Variants in SPOCK3 observed in about 807,000 individuals in gnomAD.
The protein encoded by SPOCK3 is testican-3.
Under a neutral mutation model 56.6 loss-of-function variants are expected in SPOCK3, and 30 were observed. The observed-to-expected ratio is 0.53, with a 90% CI of 0.40 to 0.72. The LOEUF (loss-of-function observed/expected upper bound fraction) is 0.72, where lower values mean the gene tolerates loss of function less well. Ranked by LOEUF, SPOCK3 falls within the 30% of genes least tolerant of loss-of-function variation. SPOCK3 has a pLI of 0.00. For missense variants in SPOCK3, 527 were observed against 530.0 expected, an observed-to-expected ratio of 0.99 and a Z score of 0.06; for synonymous variants, 196 against 183.3, an observed-to-expected ratio of 1.07 and a Z score of -0.56.
chr4:166,884,870 AACACACACACAC>A (rs34910996), intron 6 of SPOCK3, among the ~76,000 whole-genome samples: 1 of 147,468 alleles, frequency 6.8e-6, no homozygotes, highest in South Asian at 2.2e-4. Context: ...AAACTGGTTA[AACACACACACAC>A]ACACACACAC....
intron 2 of SPOCK3, among the ~76,000 whole-genome samples, chr4:167,116,521 CGTATAT>C (rs1761353600): frequency 8.5e-6 from 1 of 118,136 alleles, no homozygotes; most frequent in Non-Finnish European, 1.7e-5. Flanking sequence ...AATATATATA[CGTATAT>C]GTATATATAT....
At chr4:167,106,334 T>C (rs1365017369) in intron 2 of SPOCK3, among the ~76,000 whole-genome samples, 1 of 151,882 alleles carries the variant, frequency 6.6e-6, no homozygotes, top group Non-Finnish European at 1.5e-5. Context: ...AAGAGGAGTC[T>C]TGGACACTAT....
chr4:167,112,608 G>T (rs1397602154), intron 2 of SPOCK3, among the ~76,000 whole-genome samples: 3 of 152,110 alleles, frequency 2.0e-5, no homozygotes, highest in African/African-American at 7.2e-5. Context: ...AAAACATCAA[G>T]ACTTCACCAT....
At chr4:166,899,815 CCT>C (rs1735849436) in intron 5 of SPOCK3, among the ~76,000 whole-genome samples, 1 of 152,064 alleles carries the variant, frequency 6.6e-6, no homozygotes, top group African/African-American at 2.4e-5. Context: ...GTGCCCAGCC[CCT>C]GTTTACTATA....
intron 4 of SPOCK3, among the ~76,000 whole-genome samples, chr4:166,952,864 G>A (rs1742852474): frequency 6.6e-6 from 1 of 151,804 alleles, no homozygotes; most frequent in African/African-American, 2.4e-5. Context: ...ATGGTGCTGG[G>A]TAAACTGGCT....
At chr4:167,084,341 C>CT (rs755748770) in intron 2 of SPOCK3, among the ~76,000 whole-genome samples, 1 of 151,868 alleles carries the variant, frequency 6.6e-6, no homozygotes, top group Non-Finnish European at 1.5e-5. Flanking sequence ...CATATTTTTT[C>CT]TTTTTTTAAG....
rs368468527 is a variant in SPOCK3 at position 166,785,352 on chromosome 4, G to T, written c.709+6818C>A. 1.1e-3 allele frequency among the ~76,000 whole-genome samples: 164 copies of T among 152,070 alleles called. 1 individual carries two copies. The highest frequency in any genetic ancestry group is 3.7e-3 in the African/African-American group (154 of 41,526). ...TATAAACTCCATTTTTTAAAGCTATGACATTTTTGACCATTTTGTCAACTC... is the reference window on the plus strand; with the variant it reads ...TATAAACTCCATTTTTTAAAGCTATTACATTTTTGACCATTTTGTCAACTC... On this transcript the variant is annotated intron_variant, in intron 7 of 10. Coordinates refer to ENST00000357545, the MANE Select transcript of SPOCK3 (RefSeq NM_001040159.2).
chr4:167,023,299 C>A (rs1751378814), intron 3 of SPOCK3, among the ~76,000 whole-genome samples: 1 of 151,886 alleles, frequency 6.6e-6, no homozygotes, highest in Non-Finnish European at 1.5e-5. Flanking sequence ...TTATTGATAG[C>A]CATGGGTACT....
chr4:167,085,090 C>T (rs1758064722), intron 2 of SPOCK3, among the ~76,000 whole-genome samples: 1 of 151,236 alleles, frequency 6.6e-6, no homozygotes, highest in South Asian at 2.1e-4. Flanking sequence ...ACTCTAATGT[C>T]ATCTAATTCA....
At chr4:167,197,737 ATGTTT>A (rs1284434547) in intron 2 of SPOCK3, among the ~76,000 whole-genome samples, 1 of 152,132 alleles carries the variant, frequency 6.6e-6, no homozygotes, top group Admixed American at 6.5e-5. Context: ...ATCTGATGTT[ATGTTT>A]TAAGTTTGTG....
intron 10 of SPOCK3, among the ~76,000 whole-genome samples, chr4:166,736,697 C>G (rs1191110597): frequency 6.6e-6 from 1 of 151,206 alleles, no homozygotes; most frequent in Admixed American, 6.6e-5. Flanking sequence ...AGAATTAATT[C>G]CTGGTGTGTG....
At chr4:166,978,986 G>A (rs1746282357) in intron 4 of SPOCK3, among the ~76,000 whole-genome samples, 1 of 152,154 alleles carries the variant, frequency 6.6e-6, no homozygotes, top group South Asian at 2.1e-4. Context: ...CGTGAAGTAT[G>A]TGAATGTATT....
At chr4:166,750,143 T>C (rs10003707) in intron 8 of SPOCK3, among the ~76,000 whole-genome samples, 120,103 of 152,016 alleles carry the variant, frequency 0.79, 47,704 homozygotes, top group South Asian at 0.82. Context: ...TGTTCAAGTA[T>C]ATATAATATT....
At chr4:166,806,186 CA>C (rs1743148276) in intron 6 of SPOCK3, among the ~76,000 whole-genome samples, 1 of 151,988 alleles carries the variant, frequency 6.6e-6, no homozygotes, top group South Asian at 2.1e-4. Context: ...AGATGTATGT[CA>C]CTTTTTAATT....
intron 4 of SPOCK3, among the ~76,000 whole-genome samples, chr4:166,977,656 G>A (rs913334986): frequency 9.2e-5 from 14 of 152,032 alleles, no homozygotes; most frequent in African/African-American, 3.4e-4. Context: ...GATATTTGGA[G>A]GATTTGAGTA....
chr4:167,016,776 A>C (rs1750670875), intron 3 of SPOCK3, among the ~76,000 whole-genome samples: 1 of 152,104 alleles, frequency 6.6e-6, no homozygotes, highest in Non-Finnish European at 1.5e-5. Context: ...TCCTGACCTC[A>C]GCTGATCCAC....
chr4:167,205,266 CTATAATA>C (rs1561320923), intron 2 of SPOCK3, among the ~76,000 whole-genome samples: 1 of 50,960 alleles, frequency 2.0e-5, no homozygotes, highest in East Asian at 4.7e-4. Flanking sequence ...TATTTTATAT[CTATAATA>C]TATATTATAT....
At position 166,755,948 on chromosome 4, in the gene SPOCK3, G is replaced by A. The variant is rs1737014949; in HGVS notation, c.710-1219C>T. Among the ~76,000 whole-genome samples the A allele has an allele frequency of 2.7e-4, 2 of 7,326 alleles. 1 individual carries two copies. Among genetic ancestry groups the A allele is most frequent in the Non-Finnish European group, 8.6e-4 (2 of 2,328 alleles). The allele number at this position is 7,326 out of a possible 152,430, so 4.8% of individuals were successfully genotyped here. A position where few individuals can be genotyped will look rare whatever the true frequency, so the allele number is the denominator to read the frequency against. On this transcript the variant is annotated intron_variant, in intron 7 of 10. Transcript: ENST00000357545. Reference sequence around the variant, plus strand: ...CCCAGCGTGAGCGACGCAGAAGACGGTGATTTCTGCATTTCCATCTGAGGT... The same window carrying A: ...CCCAGCGTGAGCGACGCAGAAGACGATGATTTCTGCATTTCCATCTGAGGT...
At chr4:166,885,289 C>T (rs1284736340) in intron 6 of SPOCK3, among the ~76,000 whole-genome samples, 1 of 150,870 alleles carries the variant, frequency 6.6e-6, no homozygotes, top group Non-Finnish European at 1.5e-5. Flanking sequence ...CCCACCCCAA[C>T]TTCAAACAAA....
Sources: allele counts gnomAD v4.1 joint callset (sites outside exome capture counted in the v4.1 genomes callset), GRCh38; gene constraint gnomAD v4.1.1; transcripts MANE v1.5; gene names NCBI Gene and HGNC (gene_info 2026-07-23, HGNC 2026-07-21).